TP53BP1: variants seen among roughly 807,000 people sequenced by gnomAD.
TP53BP1 encodes the protein tumor protein p53 binding protein 1.
A neutral mutation model predicts 200.8 loss-of-function variants in TP53BP1; 61 were observed. The observed-to-expected ratio is 0.30, with a 90% CI of 0.25 to 0.38. TP53BP1 has a LOEUF of 0.38. TP53BP1 is among the 10% of genes least tolerant of loss of function. TP53BP1 has a pLI of 1.00. For synonymous variants in TP53BP1, 822 were observed against 844.3 expected (o/e 0.97, Z 0.46); for missense variants, 2,144 against 2,371.9 (o/e 0.90, Z 2.00).
In TP53BP1 at chr15:43,407,971, C is replaced by T; in HGVS notation, c.5718G>A (p.Lys1906=). ...ILMTGGAASV[K]QHHSSAHNKD... The stretch of plus-strand genomic sequence containing the variant: ...TGTTATGGGCACTTGAATGGTGCTG[C>T]TTCACAGAGGCTGCACCACCAGTCA... The change falls in exon 27 of 28, where the codon AAG becomes AAA. Residue 1906 remains lysine, a synonymous_variant. Coordinates refer to ENST00000382044, the MANE Select transcript of TP53BP1 (RefSeq NM_001141980.3). 1 of 1,613,760 alleles carries T rather than the reference C, an allele frequency of 6.2e-7. No individual in the cohort carries two copies. Among genetic ancestry groups the T allele is most frequent in the Non-Finnish European group, 8.5e-7 (1 of 1,179,990 alleles).
In TP53BP1 at chr15:43,474,710, G is replaced by C. The variant is rs750254905; in HGVS notation, c.1143C>G (p.Ile381Met). The change falls in exon 10 of 28, where the codon ATC (isoleucine) becomes ATG (methionine). Residue 381 changes from isoleucine to methionine, a missense_variant. Physicochemically the swap from Ile to Met is conservative, Grantham distance 10. Around this residue, in one of 4 missense-constraint regions of TP53BP1, gnomAD observed 1,700 missense variants for 1,710.3 expected, o/e 0.99. Coordinates refer to ENST00000382044, the MANE Select transcript of TP53BP1 (RefSeq NM_001141980.3). Reference sequence around the variant, plus strand: ...CTTGCTCTGTGGGACTGCTAGGAACGATAAAAGGAGTAGATCGGAAAGCAT... The same window carrying C: ...CTTGCTCTGTGGGACTGCTAGGAACCATAAAAGGAGTAGATCGGAAAGCAT... ...SPDAFRSTPF[I>M]VPSSPTEQEG... 5 of 1,613,360 alleles carry C rather than the reference G, an allele frequency of 3.1e-6. No individual in the cohort carries two copies. Among genetic ancestry groups the C allele is most frequent in the East Asian group, 2.2e-5 (1 of 44,896 alleles).
chr15:43,477,942 T>C (rs938991577), intron 7 of TP53BP1, among the ~76,000 whole-genome samples, 183 bp from the exon 8 acceptor site: 1 of 152,252 alleles, frequency 6.6e-6, no homozygotes, highest in Non-Finnish European at 1.5e-5. Flanking sequence ...CCTCAGCCCA[T>C]TTTAAAACCT....
chr15:43,453,694 G>A (rs1286942820), intron 12 of TP53BP1, among the ~76,000 whole-genome samples: 3 of 151,154 alleles, frequency 2.0e-5, no homozygotes, highest in Admixed American at 6.6e-5. Context: ...ACAGGCACCC[G>A]TCATCATTCC....
chr15:43,469,968 G>C lies in TP53BP1; in HGVS notation c.1279C>G (p.Leu427Val). 1 of 1,614,026 alleles carries C rather than the reference G, an allele frequency of 6.2e-7. No individual in the cohort carries two copies. The highest frequency in any genetic ancestry group is 1.1e-5 in the South Asian group (1 of 91,076). ...GEPVELENPP[L>V]LPESTVSPQA... ...GGTGATACAGTGGACTCAGGCAGGA[G>C]AGGGGGGTTTTCTAACTCCACTGGT... is the stretch of plus-strand genomic sequence containing the variant. The change falls in exon 11 of 28, where the codon CTC (leucine) becomes GTC (valine). Residue 427 changes from leucine (L) to valine (V), a missense_variant. By Grantham distance (32) the Leu-to-Val change is conservative. Transcript: ENST00000382044.
At chr15:43,450,715 A>G (rs943003279) in intron 12 of TP53BP1, among the ~76,000 whole-genome samples, 1 of 152,182 alleles carries the variant, frequency 6.6e-6, no homozygotes, top group Non-Finnish European at 1.5e-5. Flanking sequence ...GTTAACAGTG[A>G]CAAGTTATCT....
At chr15:43,426,439 CAAAAAAAAAA>C (rs538087512) in intron 18 of TP53BP1, among the ~76,000 whole-genome samples, 1 of 56,790 alleles carries the variant, frequency 1.8e-5, no homozygotes, top group Non-Finnish European at 3.7e-5. Flanking sequence ...GACTCTGTGT[CAAAAAAAAAA>C]AAAAAAAAAA....
intron 1 of TP53BP1, among the ~76,000 whole-genome samples, chr15:43,501,039 CATATAT>C (rs1476959532): frequency 6.6e-6 from 1 of 151,984 alleles, no homozygotes; most frequent in Non-Finnish European, 1.5e-5. Flanking sequence ...CTAAAAAACA[CATATAT>C]ATAAAGTTAA....
chr15:43,468,272 C>T (rs1344201434), intron 11 of TP53BP1, among the ~76,000 whole-genome samples: 11 of 151,950 alleles, frequency 7.2e-5, no homozygotes, highest in African/African-American at 1.5e-4. Context: ...AGGCCAGGTA[C>T]GGTGGCCCAC....
At chr15:43,495,271 G>A (rs567047646), upstream of TP53BP1, among the ~76,000 whole-genome samples, 14 of 152,064 alleles carry the variant, frequency 9.2e-5, no homozygotes, top group South Asian at 2.3e-3. Context: ...AGGACGAGGC[G>A]GGCGGATCAT....
chr15:43,465,291 A>G (rs2046547347), intron 11 of TP53BP1, among the ~76,000 whole-genome samples: 1 of 152,158 alleles, frequency 6.6e-6, no homozygotes, highest in Non-Finnish European at 1.5e-5. Flanking sequence ...TGATGAAACT[A>G]TTCTGAAATT....
At chr15:43,413,983 C>A (rs1183979076) in intron 23 of TP53BP1, 1 of 375,770 alleles carries the variant, frequency 2.7e-6, no homozygotes, top group Admixed American at 4.0e-5. Context: ...AGTAAGTGAA[C>A]CAGCCAGCCA....
At chr15:43,452,401 AC>A (rs2046191758) in intron 12 of TP53BP1, among the ~76,000 whole-genome samples, 1 of 152,026 alleles carries the variant, frequency 6.6e-6, no homozygotes, top group Non-Finnish European at 1.5e-5. Flanking sequence ...CCCTGTCTCT[AC>A]AAAAAATCAG....
At chr15:43,493,266 C>A (rs1174568671), upstream of TP53BP1, 5 of 1,406,616 alleles carry the variant, frequency 3.6e-6, no homozygotes, top group East Asian at 1.3e-4. Context: ...CCCTGCCCCA[C>A]GTAAGAAAAA....
chr15:43,409,348 A>G, intron 25 of TP53BP1: 2 of 576,804 alleles, frequency 3.5e-6, no homozygotes, highest in Non-Finnish European at 6.2e-6. Context: ...CTATGAACTC[A>G]GCCTTTCAGG....
Position 43,407,159 on chromosome 15 carries a change from T to C in TP53BP1, c.*224A>G, listed in dbSNP as rs1160099003. 21 of 517,546 alleles carry C rather than the reference T, an allele frequency of 4.1e-5. No homozygotes were observed. Among genetic ancestry groups the C allele is most frequent in the Non-Finnish European group, 4.5e-5 (13 of 288,484 alleles). 32.1% of individuals were successfully genotyped at this position (517,546 alleles called of 1,614,324 possible). A position where few individuals can be genotyped will look rare whatever the true frequency, so the allele number is the denominator to read the frequency against. ...GTTGAAAGACTCAGAGAAAGTACTA[T>C]GTCTTGTCATTTGTTCTGAGATTAA... On this transcript the variant is annotated 3_prime_UTR_variant, in exon 28 of 28. Transcript: ENST00000382044.
At chr15:43,492,523 C>T (rs2079140842) in intron 1 of TP53BP1, 55 bp from the exon 2 acceptor site, 2 of 1,443,386 alleles carry the variant, frequency 1.4e-6, no homozygotes, top group Non-Finnish European at 1.9e-6. Context: ...CTTGCTCACG[C>T]AGTCTAAACC....
intron 13 of TP53BP1, chr15:43,446,808 T>C (rs575421983): frequency 1.3e-6 from 2 of 1,494,576 alleles, no homozygotes; most frequent in Admixed American, 2.1e-5. Flanking sequence ...CACTTCTGCA[T>C]CTGGACAAAG....
At position 43,407,259 on chromosome 15, in the gene TP53BP1, C is replaced by A. The variant is rs12079; in HGVS notation, c.*124G>T. The stretch of plus-strand genomic sequence containing the variant: ...CAACATTTATTTTATCATAAAAGTT[C>A]AGCAAATAAAACTATATACAAGATC... On this transcript the variant is annotated 3_prime_UTR_variant, in exon 28 of 28. Coordinates refer to ENST00000382044, the MANE Select transcript of TP53BP1 (RefSeq NM_001141980.3). 3.9e-6 allele frequency: 3 copies of A among 773,692 alleles called. No individual in the cohort carries two copies. Among genetic ancestry groups the A allele is most frequent in the Non-Finnish European group, 6.2e-6 (3 of 483,038 alleles). The allele number at this position is 773,692 out of a possible 1,614,324, so 47.9% of individuals were successfully genotyped here.
At position 43,492,380 on chromosome 15, in the gene TP53BP1, A is replaced by G. The variant is rs2079137738; in HGVS notation, c.96T>C (p.Pro32=). The change falls in exon 2 of 28, where the codon CCT becomes CCC. Residue 32 remains proline, a synonymous_variant. Transcript: ENST00000382044. ...TPCLIIEDSQ[P]ESQVLEDDSG... ...AATCATCCTCTAGAACCTGGCTTTC[A>G]GGCTGAGAATCTTCAATTATCAGGC... 1 of 1,613,984 alleles carries G rather than the reference A, an allele frequency of 6.2e-7. No homozygotes were observed. The highest frequency in any genetic ancestry group is 8.5e-7 in the Non-Finnish European group (1 of 1,179,944).
Sources: allele counts gnomAD v4.1 joint callset (sites outside exome capture counted in the v4.1 genomes callset), GRCh38; gene constraint gnomAD v4.1.1; regional missense constraint gnomAD v4.1.1; transcripts MANE v1.5; gene names NCBI Gene and HGNC (gene_info 2026-07-23, HGNC 2026-07-21).